BICD2: variants seen among roughly 807,000 people sequenced by gnomAD.
BICD2 encodes protein bicaudal D homolog 2.
In BICD2, 25 loss-of-function variants were observed where a neutral mutation model predicts 72.9. The ratio of observed to expected loss-of-function variants is 0.34; its 90% confidence interval spans 0.25 to 0.48. The LOEUF (loss-of-function observed/expected upper bound fraction) is 0.48, where lower values mean the gene tolerates loss of function less well. Among genes scored for constraint, BICD2 ranks in the 20% least tolerant of loss-of-function variants. BICD2 has a pLI of 0.99. For missense variants in BICD2, 894 were observed against 1,175.2 expected (o/e 0.76, Z 3.50); for synonymous variants, 501 against 516.1 (o/e 0.97, Z 0.40).
At chr9:92,763,791 A>AG (rs1445164469) in intron 1 of BICD2, among the ~76,000 whole-genome samples, 1 of 152,276 alleles carries the variant, frequency 6.6e-6, no homozygotes, top group East Asian at 1.9e-4. Flanking sequence ...GGGCCCGAGA[A>AG]GCGGGGCTGG....
At chr9:92,715,691 G>A (rs1437823262) in intron 6 of BICD2, among the ~76,000 whole-genome samples, 1 of 152,220 alleles carries the variant, frequency 6.6e-6, no homozygotes, top group Non-Finnish European at 1.5e-5. Context: ...CTTGGGCCCA[G>A]GCAGGGCAGC....
chr9:92,758,302 A>T, intron 1 of BICD2, among the ~76,000 whole-genome samples: 1 of 151,992 alleles, frequency 6.6e-6, no homozygotes, highest in African/African-American at 2.4e-5. Context: ...CTGTAATCCC[A>T]GCACTTTGGG....
At chr9:92,733,643 T>C (rs942390144) in intron 1 of BICD2, among the ~76,000 whole-genome samples, 10 of 151,420 alleles carry the variant, frequency 6.6e-5, no homozygotes, top group African/African-American at 2.4e-4. Flanking sequence ...ATGAATCAAA[T>C]ACCTAAATAT....
chr9:92,744,617 G>A (rs1039302267), intron 1 of BICD2, among the ~76,000 whole-genome samples: 22 of 152,080 alleles, frequency 1.4e-4, no homozygotes, highest in African/African-American at 4.8e-4. Flanking sequence ...CGAGGCGGGC[G>A]GATCATGAGG....
chr9:92,742,760 A>G (rs766601932), intron 1 of BICD2, among the ~76,000 whole-genome samples: 22 of 152,048 alleles, frequency 1.4e-4, no homozygotes, highest in Non-Finnish European at 2.1e-4. Flanking sequence ...CCCCACTGCC[A>G]TCCTGAAAAC....
chr9:92,723,433 A>C (rs1289661508), intron 2 of BICD2, among the ~76,000 whole-genome samples: 1 of 152,252 alleles, frequency 6.6e-6, no homozygotes, highest in Admixed American at 6.5e-5. Flanking sequence ...CCGTGAACAC[A>C]TTCTGCTGAG....
At chr9:92,729,687 T>G (rs531320244) in intron 1 of BICD2, among the ~76,000 whole-genome samples, 1 of 152,274 alleles carries the variant, frequency 6.6e-6, no homozygotes, top group East Asian at 1.9e-4. Flanking sequence ...CATCCTTCAC[T>G]CCTTCTGGGA....
intron 6 of BICD2, among the ~76,000 whole-genome samples, chr9:92,716,801 A>G (rs1853324276): frequency 6.6e-6 from 1 of 152,222 alleles, no homozygotes; most frequent in Non-Finnish European, 1.5e-5. Flanking sequence ...CTCGATTCCC[A>G]GCCTTGGGGT....
In BICD2 at chr9:92,718,839, C is replaced by T. The variant is rs138300993; in HGVS notation, c.1806G>A (p.Thr602=). Residue 602 remains threonine (T), a synonymous_variant, in exon 5 of 7, where the codon ACG becomes ACA. Coordinates refer to ENST00000356884, the MANE Select transcript of BICD2 (RefSeq NM_001003800.2). ...APEAGRADGG[T]GDSSPSPGSS... ...AGCCAGGCGAGGGGCTGCTGTCCCC[C>T]GTCCCACCATCTGCTCGGCCCGCCT... is the stretch of plus-strand genomic sequence containing the variant. 1.2e-3 allele frequency: 1,887 copies of T among 1,609,478 alleles called. 4 individuals are homozygous for T. The highest frequency in any genetic ancestry group is 1.1e-3 in the Non-Finnish European group (1,342 of 1,178,632).
At chr9:92,763,192 T>G (rs1587695393) in intron 1 of BICD2, among the ~76,000 whole-genome samples, 1 of 152,254 alleles carries the variant, frequency 6.6e-6, no homozygotes, top group East Asian at 1.9e-4. Context: ...TGCCCAGACA[T>G]CCAAGCATCT....
At chr9:92,716,017 C>G (rs1217534668) in intron 6 of BICD2, among the ~76,000 whole-genome samples, 2 of 152,162 alleles carry the variant, frequency 1.3e-5, no homozygotes, top group African/African-American at 4.8e-5. Flanking sequence ...ATCCTGAAAC[C>G]CGGGTGCGGA....
In BICD2 at chr9:92,764,833, T is replaced by C. The variant is rs1854452765; in HGVS notation, c.-89A>G. ...GCCGCTGCCGCCGCCGCCGCCGCCC[T>C]GCCCCGACGGCCGCCCGCCCGCCCG... On this transcript the variant is annotated 5_prime_UTR_variant, in exon 1 of 7. Coordinates refer to ENST00000356884, the MANE Select transcript of BICD2 (RefSeq NM_001003800.2). The surrounding 1 kb of genome is among the most constrained non-coding windows in gnomAD (Gnocchi z 5.5). The C allele has an allele frequency of 5.9e-6, 5 of 853,144 alleles. No homozygotes were observed. The highest frequency in any genetic ancestry group is 1.2e-4 in the South Asian group (2 of 16,734). The allele number at this position is 853,144 out of a possible 1,614,324, so 52.8% of individuals were successfully genotyped here. A position where few individuals can be genotyped will look rare whatever the true frequency, so the allele number is the denominator to read the frequency against.
At chr9:92,758,913 CTT>C (rs1052509543) in intron 1 of BICD2, among the ~76,000 whole-genome samples, 3 of 151,618 alleles carry the variant, frequency 2.0e-5, no homozygotes, top group Non-Finnish European at 2.9e-5. Context: ...AATCCCAACA[CTT>C]TGCAGGCCAA....
At chr9:92,730,924 C>T (rs1387657200) in intron 1 of BICD2, among the ~76,000 whole-genome samples, 1 of 152,258 alleles carries the variant, frequency 6.6e-6, no homozygotes, top group Non-Finnish European at 1.5e-5. Context: ...CGGGTCAGCT[C>T]TGTGATTTCT....
chr9:92,732,550 T>C (rs908548000), intron 1 of BICD2, among the ~76,000 whole-genome samples: 4 of 152,184 alleles, frequency 2.6e-5, no homozygotes, highest in Non-Finnish European at 5.9e-5. Flanking sequence ...AAACCAATTA[T>C]ATAATAAAAA....
intron 1 of BICD2, among the ~76,000 whole-genome samples, chr9:92,762,819 T>C (rs1854398862): frequency 6.6e-6 from 1 of 152,050 alleles, no homozygotes; most frequent in East Asian, 1.9e-4. Context: ...CACGATGCAC[T>C]TGGTAGGAGG....
intron 1 of BICD2, among the ~76,000 whole-genome samples, chr9:92,754,190 T>C (rs997015205): frequency 2.0e-5 from 3 of 151,560 alleles, no homozygotes; most frequent in Non-Finnish European, 2.9e-5. Context: ...CACATGACAC[T>C]TTATCTTAAG....
chr9:92,719,646 C>T, intron 4 of BICD2, 64 bp from the exon 5 acceptor site: 1 of 1,473,250 alleles, frequency 6.8e-7, no homozygotes, highest in Non-Finnish European at 9.0e-7. Context: ...CTTGGAGGAC[C>T]CCCAAGATGG....
At chr9:92,716,895 G>A (rs1853326725) in intron 6 of BICD2, among the ~76,000 whole-genome samples, 1 of 152,214 alleles carries the variant, frequency 6.6e-6, no homozygotes, top group Admixed American at 6.5e-5. Context: ...CACAGAGGAA[G>A]AAAGAAAGCT....
Sources: allele counts gnomAD v4.1 joint callset (sites outside exome capture counted in the v4.1 genomes callset), GRCh38; gene constraint gnomAD v4.1.1; non-coding constraint Gnocchi (gnomAD v3.1); transcripts MANE v1.5; gene names NCBI Gene and HGNC (gene_info 2026-07-23, HGNC 2026-07-21).